The following DCC variants were observed in gnomAD, a reference collection of about 807,000 sequenced individuals.
The protein encoded by DCC is netrin receptor DCC.
DCC carries 58 observed loss-of-function variants against 172.5 expected under a neutral mutation model. That is an observed-to-expected ratio of 0.34 (90% confidence interval 0.27 to 0.42). The LOEUF (loss-of-function observed/expected upper bound fraction) is 0.42. Among genes scored for constraint, DCC ranks in the 10% least tolerant of loss-of-function variants. The probability of loss-of-function intolerance (pLI) is 1.00; values close to 1 mark genes in which losing one functional copy is unlikely to be tolerated. For synonymous variants in DCC, 709 were observed against 644.5 expected, an observed-to-expected ratio of 1.10 and a Z score of -1.52; for missense variants, 1,740 against 1,791.0, an observed-to-expected ratio of 0.97 and a Z score of 0.51.
chr18:53,379,290 C>T (rs1029773138), intron 15 of DCC, among the ~76,000 whole-genome samples: 2 of 152,194 alleles, frequency 1.3e-5, no homozygotes. Flanking sequence ...GAGTGGGCCC[C>T]GACAAGAACT....
chr18:52,705,544 GT>G (rs1766498307), intron 1 of DCC, among the ~76,000 whole-genome samples: 1 of 152,164 alleles, frequency 6.6e-6, no homozygotes, highest in South Asian at 2.1e-4. Flanking sequence ...TCTGTCAAAT[GT>G]TTGCAAGTAA....
chr18:52,651,499 CTTTT>C (rs202034422), intron 1 of DCC, among the ~76,000 whole-genome samples: 1 of 135,170 alleles, frequency 7.4e-6, no homozygotes, highest in Admixed American at 7.4e-5. Flanking sequence ...TTTTTAAAAT[CTTTT>C]TTTTTTTTTT....
intron 1 of DCC, among the ~76,000 whole-genome samples, chr18:52,597,219 G>C (rs1180398853): frequency 2.0e-5 from 3 of 152,194 alleles, no homozygotes; most frequent in Non-Finnish European, 4.4e-5. Context: ...TCATCTTGCT[G>C]TTAACGAGGT....
chr18:52,506,377 T>C (rs1222553740), intron 1 of DCC, among the ~76,000 whole-genome samples: 1 of 152,098 alleles, frequency 6.6e-6, no homozygotes, highest in Non-Finnish European at 1.5e-5. Context: ...TGAAAACCCA[T>C]ATAAACACAA....
At chr18:53,459,777 A>G (rs2045528562) in intron 24 of DCC, among the ~76,000 whole-genome samples, 1 of 152,140 alleles carries the variant, frequency 6.6e-6, no homozygotes, top group Non-Finnish European at 1.5e-5. Flanking sequence ...TAATTGTTAA[A>G]CAAATGTTTT....
chr18:53,152,605 A>T (rs940096154), intron 7 of DCC, among the ~76,000 whole-genome samples: 12 of 152,164 alleles, frequency 7.9e-5, no homozygotes, highest in African/African-American at 2.9e-4. Context: ...CTGTCATTAT[A>T]GTGTGGCAAA....
At chr18:53,276,125 C>A (rs934596667) in intron 12 of DCC, among the ~76,000 whole-genome samples, 5 of 152,070 alleles carry the variant, frequency 3.3e-5, no homozygotes, top group African/African-American at 1.2e-4. Flanking sequence ...AGGCTAATAT[C>A]CATTAACAGT....
chr18:53,039,058 T>C (rs1359327023), intron 5 of DCC, among the ~76,000 whole-genome samples: 1 of 152,032 alleles, frequency 6.6e-6, no homozygotes, highest in Non-Finnish European at 1.5e-5. Flanking sequence ...GCTTTTTAAC[T>C]GATTCATTTC....
chr18:52,685,978 T>C (rs1321020665), intron 1 of DCC, among the ~76,000 whole-genome samples: 1 of 152,100 alleles, frequency 6.6e-6, no homozygotes, highest in Non-Finnish European at 1.5e-5. Flanking sequence ...TGTTCCTGTA[T>C]CAACATCAAT....
At chr18:53,511,933 A>G (rs1032290250) in intron 27 of DCC, among the ~76,000 whole-genome samples, 5 of 152,198 alleles carry the variant, frequency 3.3e-5, no homozygotes, top group Admixed American at 2.0e-4. Context: ...AAACAAAGCA[A>G]CCAGGAAGCT....
chr18:52,742,240 C>G (rs1261766695), intron 1 of DCC, among the ~76,000 whole-genome samples: 1 of 152,140 alleles, frequency 6.6e-6, no homozygotes. Context: ...TGACAATATC[C>G]TTCTTCACAA....
intron 5 of DCC, among the ~76,000 whole-genome samples, chr18:52,969,801 T>A (rs72926182): frequency 0.021 from 3,245 of 152,254 alleles, 61 homozygotes; most frequent in Admixed American, 0.039. Flanking sequence ...CCTGCCAGCC[T>A]TCCTAGCCTT....
At chr18:52,363,727 A>G (rs1023407934) in intron 1 of DCC, among the ~76,000 whole-genome samples, 2 of 152,204 alleles carry the variant, frequency 1.3e-5, no homozygotes, top group African/African-American at 2.4e-5. Flanking sequence ...CAAATTGCTG[A>G]AATATTAGCA....
At chr18:53,466,317 T>G (rs1206948770) in intron 24 of DCC, among the ~76,000 whole-genome samples, 1 of 152,148 alleles carries the variant, frequency 6.6e-6, no homozygotes, top group East Asian at 1.9e-4. Context: ...GGTAGATGGT[T>G]TTAGGTCAGT....
intron 15 of DCC, among the ~76,000 whole-genome samples, chr18:53,370,990 G>T (rs1293662490): frequency 6.6e-6 from 1 of 151,876 alleles, no homozygotes; most frequent in Admixed American, 6.6e-5. Flanking sequence ...ACTTCTACCA[G>T]TGATACTGCT....
chr18:52,965,738 T>C (rs1041137891), intron 5 of DCC, among the ~76,000 whole-genome samples: 36 of 152,158 alleles, frequency 2.4e-4, no homozygotes, highest in Non-Finnish European at 4.4e-5. Flanking sequence ...AAGTACAGTG[T>C]GTCATAAGTA....
At chr18:53,404,052 A>T (rs956452400) in intron 19 of DCC, among the ~76,000 whole-genome samples, 2 of 152,178 alleles carry the variant, frequency 1.3e-5, no homozygotes, top group African/African-American at 2.4e-5. Flanking sequence ...TAAAACTGAG[A>T]CTGGCTCATT....
At chr18:53,493,337 C>T (rs1234607561) in intron 26 of DCC, among the ~76,000 whole-genome samples, 1 of 152,092 alleles carries the variant, frequency 6.6e-6, no homozygotes, top group African/African-American at 2.4e-5. Flanking sequence ...GCCTGATTGC[C>T]CTGGCCAGAA....
chr18:52,503,434 C>A (rs1288677085), intron 1 of DCC, among the ~76,000 whole-genome samples: 1 of 152,128 alleles, frequency 6.6e-6, no homozygotes, highest in South Asian at 2.1e-4. Flanking sequence ...CCTCCCTACT[C>A]AAAAATCCCT....
Sources: allele counts gnomAD v4.1 joint callset (sites outside exome capture counted in the v4.1 genomes callset), GRCh38; gene constraint gnomAD v4.1.1; transcripts MANE v1.5; gene names NCBI Gene and HGNC (gene_info 2026-07-23, HGNC 2026-07-21).